Variants in PRDM1 observed in about 807,000 individuals in gnomAD.
PRDM1 encodes the protein PR domain zinc finger protein 1.
In PRDM1, 13 loss-of-function variants were observed where a neutral mutation model predicts 62.8. That is an observed-to-expected ratio of 0.21 (90% CI 0.13 to 0.33). The LOEUF (loss-of-function observed/expected upper bound fraction) is 0.33. PRDM1 is among the 10% of genes least tolerant of loss of function. The pLI is 1.00. For missense variants in PRDM1, 895 were observed against 1,058.8 expected (o/e 0.85, Z 2.15); for synonymous variants, 396 against 417.6 (o/e 0.95, Z 0.63).
intron 4 of PRDM1, among the ~76,000 whole-genome samples, chr6:106,101,549 C>T (rs1311208488): frequency 6.6e-6 from 1 of 152,184 alleles, no homozygotes; most frequent in Admixed American, 6.5e-5. Context: ...AAGCACATTT[C>T]ATTGTCCAAT....
rs529477109 is a variant in PRDM1, at chr6:106,013,033, C to T, written c.-67+19394C>T. On this transcript the variant is annotated intron_variant, in intron 1 of 6. Transcript: ENST00000652320. ...TCTCCAGTAGCTAGGATTACAAGCG[C>T]GCGCAATCACACCTGGCTAATTTTT... 8.5e-5 allele frequency among the ~76,000 whole-genome samples: 13 copies of T among 152,084 alleles called. No individual in the cohort carries two copies. The East Asian group carries it at 2.1e-3, about 25-fold the overall frequency.
intron 1 of PRDM1, among the ~76,000 whole-genome samples, chr6:106,004,036 A>G (rs1300882165): frequency 2.0e-5 from 3 of 152,036 alleles, no homozygotes; most frequent in Non-Finnish European, 2.9e-5. Flanking sequence ...GCTCTCCCCC[A>G]CTTTTCTGAA....
In PRDM1 at chr6:105,994,388, C is replaced by T. The variant is rs1450892546; in HGVS notation, c.-67+749C>T. ...TGCGTAATTAAAAAAAAAAAATACA[C>T]CACTGCCACCCTACAGCGACGCTTC... On this transcript the variant is annotated intron_variant, in intron 1 of 6. Transcript: ENST00000652320. This position sits in a 1 kb window ranked among gnomAD's most constrained non-coding sequence, Gnocchi z 4.1. Among the ~76,000 whole-genome samples the T allele has an allele frequency of 6.6e-6, 1 of 152,028 alleles. No homozygotes were observed. The highest frequency in any genetic ancestry group is 1.5e-5 in the Non-Finnish European group (1 of 67,998).
chr6:106,046,942 T>A (rs1773087478), upstream of PRDM1: 2 of 152,242 alleles, frequency 1.3e-5, 1 homozygote, highest in African/African-American at 4.8e-5. Context: ...TTTCTCTTAA[T>A]AACAGTTATT....
chr6:105,993,822 T>TA (rs1267517446), intron 1 of PRDM1, among the ~76,000 whole-genome samples: 2 of 152,312 alleles, frequency 1.3e-5, no homozygotes, highest in Admixed American at 1.3e-4. Flanking sequence ...GCAGTGTTGA[T>TA]AGCTCTCCTC....
At chr6:106,021,257 A>G (rs952570496) in intron 1 of PRDM1, among the ~76,000 whole-genome samples, 5 of 152,046 alleles carry the variant, frequency 3.3e-5, no homozygotes, top group African/African-American at 7.3e-5. Context: ...CTAGTTTCCT[A>G]TGTTTGGGTG....
intron 1 of PRDM1, among the ~76,000 whole-genome samples, chr6:106,008,614 CCTT>C (rs1772508911): frequency 6.6e-6 from 1 of 152,174 alleles, no homozygotes; most frequent in Admixed American, 6.5e-5. Flanking sequence ...CTAGGATTCT[CCTT>C]CTCTCCCAGG....
intron 2 of PRDM1, among the ~76,000 whole-genome samples, chr6:106,091,662 C>T (rs1293878420): frequency 6.6e-6 from 1 of 152,100 alleles, no homozygotes; most frequent in Non-Finnish European, 1.5e-5. Context: ...CGCCTGTAAT[C>T]CCAGCTACCT....
chr6:106,009,774 G>A (rs1455548042), intron 1 of PRDM1, among the ~76,000 whole-genome samples: 1 of 152,090 alleles, frequency 6.6e-6, no homozygotes, highest in African/African-American at 2.4e-5. Context: ...CTGGAGTGCA[G>A]TGGCATGATC....
chr6:106,100,474 T>A (rs1424394800), intron 4 of PRDM1: 1 of 152,220 alleles, frequency 6.6e-6, no homozygotes, highest in African/African-American at 2.4e-5. Context: ...CCACTTACCC[T>A]TTACCCAGGT....
intron 1 of PRDM1, among the ~76,000 whole-genome samples, chr6:106,007,370 C>T (rs1772495974): frequency 2.0e-5 from 3 of 151,760 alleles, no homozygotes; most frequent in Admixed American, 2.0e-4. Context: ...GTGGAGGTTG[C>T]AGTGAGCCGA....
At chr6:106,000,057 G>T (rs897689627) in intron 1 of PRDM1, among the ~76,000 whole-genome samples, 1 of 152,102 alleles carries the variant, frequency 6.6e-6, no homozygotes, top group African/African-American at 2.4e-5. Flanking sequence ...CACCGTGTTA[G>T]CCAGGATGGT....
Position 106,040,967 on chromosome 6 carries a change from C to A in PRDM1, c.-66-47234C>A, listed in dbSNP as rs141882870. ...TTTGACTATAGTATATTCAACCATT[C>A]CTGCTAATGGGCCTTAGTTTACTTT... On this transcript the variant is annotated intron_variant, in intron 1 of 6. Transcript: ENST00000652320. Among the ~76,000 whole-genome samples the A allele has an allele frequency of 2.9e-3, 445 of 152,256 alleles. 2 individuals are homozygous for A. The highest frequency in any genetic ancestry group is 0.01 in the African/African-American group (430 of 41,546).
chr6:106,034,009 A>G (rs1010214084), intron 1 of PRDM1, among the ~76,000 whole-genome samples: 4 of 151,938 alleles, frequency 2.6e-5, no homozygotes, highest in South Asian at 2.1e-4. Context: ...GAATTTGTCT[A>G]TCTTATCTAG....
chr6:106,048,269 C>T (rs1773111519), upstream of PRDM1, among the ~76,000 whole-genome samples: 1 of 150,940 alleles, frequency 6.6e-6, no homozygotes, highest in Non-Finnish European at 1.5e-5. Flanking sequence ...TACTCATAGT[C>T]CTAGCTACTC....
At chr6:106,011,208 C>T (rs747828455) in intron 1 of PRDM1, among the ~76,000 whole-genome samples, 6 of 151,932 alleles carry the variant, frequency 3.9e-5, no homozygotes, top group Non-Finnish European at 5.9e-5. Context: ...GAAGATGTAC[C>T]GAAGACTTAA....
intron 1 of PRDM1, among the ~76,000 whole-genome samples, chr6:106,003,683 G>A (rs547190738): frequency 2.0e-5 from 3 of 152,262 alleles, no homozygotes; most frequent in African/African-American, 2.4e-5. Context: ...TAGGAAGAAG[G>A]CCTCCTAGTA....
chr6:106,081,455 T>A (rs1332944619), upstream of PRDM1, among the ~76,000 whole-genome samples: 1 of 152,214 alleles, frequency 6.6e-6, no homozygotes, highest in Non-Finnish European at 1.5e-5. Flanking sequence ...TAAGATCCAG[T>A]TACCAAAAAA....
chr6:106,009,479 C>T (rs963376876), intron 1 of PRDM1, among the ~76,000 whole-genome samples: 18 of 152,136 alleles, frequency 1.2e-4, no homozygotes, highest in Non-Finnish European at 2.2e-4. Flanking sequence ...TTCATTTTCT[C>T]ACAACTCTGC....
Sources: allele counts gnomAD v4.1 joint callset (sites outside exome capture counted in the v4.1 genomes callset), GRCh38; gene constraint gnomAD v4.1.1; non-coding constraint Gnocchi (gnomAD v3.1); transcripts MANE v1.5; gene names NCBI Gene and HGNC (gene_info 2026-07-23, HGNC 2026-07-21).